The following ACAT2 variants were observed in gnomAD, a reference collection of about 807,000 sequenced individuals.
ACAT2 encodes the protein acetyl-CoA acetyltransferase, cytosolic.
In ACAT2, 26 loss-of-function variants were observed where a neutral mutation model predicts 37.1. The ratio of observed to expected loss-of-function variants is 0.70; its 90% CI spans 0.51 to 0.97. The LOEUF (loss-of-function observed/expected upper bound fraction) is 0.97. ACAT2 is among the 50% of genes least tolerant of loss of function. ACAT2 has a pLI of 0.00. For missense variants in ACAT2, 468 were observed against 489.0 expected, an observed-to-expected ratio of 0.96 and a Z score of 0.40; for synonymous variants, 156 against 163.6, an observed-to-expected ratio of 0.95 and a Z score of 0.35.
In ACAT2 at chr6:159,778,708, C is replaced by G; in HGVS notation, c.1073C>G (p.Ser358Cys). Residue 358 changes from serine (S) to cysteine (C), a missense_variant, in exon 9 of 9, where the codon TCT becomes TGT. Ser to Cys is a moderately radical substitution (Grantham distance 112, BLOSUM62 -1). Transcript: ENST00000367048. ...AIALGHPLGASGCRILVTLLH... is the reference protein window; with the variant it reads ...AIALGHPLGACGCRILVTLLH... The stretch of plus-strand genomic sequence containing the variant: ...GCCTTGGGCCACCCTCTTGGAGCAT[C>G]TGGCTGTCGAATTCTTGTGACCCTG... 6.2e-7 allele frequency: 1 copy of G among 1,614,226 alleles called. No homozygotes were observed. The highest frequency in any genetic ancestry group is 8.5e-7 in the Non-Finnish European group (1 of 1,180,032).
rs1335028065 is a variant in ACAT2 at position 159,775,182 on chromosome 6, C to A, written c.503C>A (p.Ala168Asp). Reference protein sequence around the residue: ...CHMGITAENVAKKWQVSREDQ... With the variant: ...CHMGITAENVDKKWQVSREDQ... ...TCTCCTTTCCCAGCTGAAAATGTAGCCAAAAAATGGCAAGTGAGTAGAGAA... is the reference window on the plus strand; with the variant it reads ...TCTCCTTTCCCAGCTGAAAATGTAGACAAAAAATGGCAAGTGAGTAGAGAA... The change falls in exon 5 of 9, where the codon GCC becomes GAC. Residue 168 changes from alanine to aspartate, a missense_variant. Transcript: ENST00000367048. 6.2e-7 allele frequency: 1 copy of A among 1,613,018 alleles called. No homozygotes were observed. Among genetic ancestry groups the A allele is most frequent in the Non-Finnish European group, 8.5e-7 (1 of 1,179,630 alleles).
At chr6:159,762,557 G>A (rs1780165918) in intron 1 of ACAT2, 2 of 1,334,558 alleles carry the variant, frequency 1.5e-6, no homozygotes, top group Non-Finnish European at 9.7e-7. Context: ...TCACACAATG[G>A]CTAGAAGTCG....
At chr6:159,762,408 C>T (rs1780160861) in intron 1 of ACAT2, 2 of 1,380,222 alleles carry the variant, frequency 1.4e-6, no homozygotes, top group African/African-American at 1.5e-5. Context: ...TGGCCTGCCT[C>T]TCCCATTGGT....
chr6:159,767,087 C>T lies in ACAT2; in HGVS notation c.273C>T (p.Ile91=), dbSNP rs770729530. 9.3e-6 allele frequency: 15 copies of T among 1,614,088 alleles called. No individual in the cohort carries two copies. In the African/African-American group the frequency reaches 1.9e-4, roughly 20 times the overall value. ...YSVPAWSCQM[I]CGSGLKAVCL... Reference sequence around the variant, plus strand: ...TTCCAGCATGGAGCTGCCAGATGATCTGTGGGTCAGGCCTAAAAGCTGTGT... The same window carrying T: ...TTCCAGCATGGAGCTGCCAGATGATTTGTGGGTCAGGCCTAAAAGCTGTGT... The change falls in exon 3 of 9, where the codon ATC becomes ATT. Residue 91 remains isoleucine (I), a synonymous_variant. Coordinates refer to ENST00000367048, the MANE Select transcript of ACAT2 (RefSeq NM_005891.3).
At chr6:159,764,418 C>A (rs962672430) in intron 2 of ACAT2, among the ~76,000 whole-genome samples, 1 of 151,820 alleles carries the variant, frequency 6.6e-6, no homozygotes, top group Non-Finnish European at 1.5e-5. Flanking sequence ...GGTTTGAACA[C>A]TCGTAATTAA....
chr6:159,778,212 G>C lies in ACAT2; in HGVS notation c.955G>C (p.Glu319Gln). The change falls in exon 8 of 9, where the codon GAA (glutamate) becomes CAA (glutamine). Residue 319 changes from glutamate to glutamine, a missense_variant. Transcript: ENST00000367048. ...GTCACTGGAAGATGTTGACATATTT[G>C]AAATCAATGAAGCCTTTGCAGCTGT... ...GWSLEDVDIF[E>Q]INEAFAAVSA... 6.2e-7 allele frequency: 1 copy of C among 1,612,780 alleles called. No homozygotes were observed. Among genetic ancestry groups the C allele is most frequent in the Non-Finnish European group, 8.5e-7 (1 of 1,179,738 alleles).
chr6:159,763,826 G>GC (rs1349569531), intron 2 of ACAT2, among the ~76,000 whole-genome samples: 4 of 151,124 alleles, frequency 2.6e-5, no homozygotes, highest in Non-Finnish European at 4.4e-5. Flanking sequence ...GGCCGGCCGG[G>GC]CCCGGTGGCT....
intron 2 of ACAT2, among the ~76,000 whole-genome samples, chr6:159,763,377 A>ACC (rs1780191201): frequency 6.6e-6 from 1 of 151,908 alleles, no homozygotes; most frequent in East Asian, 1.9e-4. Context: ...ACAAAGCAAG[A>ACC]CCCCGTCTCT....
intron 2 of ACAT2, 130 bp downstream of exon 2, chr6:159,763,183 C>T (rs1780185956): frequency 3.1e-6 from 4 of 1,277,736 alleles, no homozygotes; most frequent in African/African-American, 3.0e-5. Flanking sequence ...TGCTTTTGCT[C>T]AGAGTTCCCT....
chr6:159,765,139 G>C (rs1439577310), intron 2 of ACAT2, among the ~76,000 whole-genome samples: 2 of 151,922 alleles, frequency 1.3e-5, no homozygotes, highest in Non-Finnish European at 2.9e-5. Context: ...TTTTTGAGAT[G>C]GAGTCCCACT....
intron 8 of ACAT2, 188 bp from the exon 9 acceptor site, chr6:159,778,471 A>G: frequency 1.3e-6 from 1 of 761,024 alleles, no homozygotes; most frequent in Non-Finnish European, 2.0e-6. Flanking sequence ...ACTTGGCATA[A>G]AAGGAACGAG....
In ACAT2 at chr6:159,762,102, A is replaced by G. The variant is rs760112731; in HGVS notation, c.15A>G (p.Ser5=). The part of the protein sequence containing the change: MNAG[S]DPVVIVSAAR... Reference sequence around the variant, plus strand: ...GGAGAAGCAAGATGAATGCAGGCTCAGATCCTGTGGTCATCGTCTCGGCGG... The same window carrying G: ...GGAGAAGCAAGATGAATGCAGGCTCGGATCCTGTGGTCATCGTCTCGGCGG... Residue 5 remains serine (S), a synonymous_variant, in exon 1 of 9, where the codon TCA becomes TCG. Coordinates refer to ENST00000367048, the MANE Select transcript of ACAT2 (RefSeq NM_005891.3). The G allele has an allele frequency of 6.2e-7, 1 of 1,613,256 alleles. No homozygotes were observed. The highest frequency in any genetic ancestry group is 8.5e-7 in the Non-Finnish European group (1 of 1,179,612).
At chr6:159,762,622 C>T (rs1290888943) in intron 1 of ACAT2, 21 of 1,416,582 alleles carry the variant, frequency 1.5e-5, no homozygotes, top group African/African-American at 2.8e-5. Context: ...CCGCCGGTTC[C>T]TTTTGTTTGG....
At chr6:159,762,749 C>G in intron 1 of ACAT2, 170 bp from the exon 2 acceptor site, 1 of 1,571,254 alleles carries the variant, frequency 6.4e-7, no homozygotes, top group Non-Finnish European at 8.6e-7. Context: ...AGTTGTGGCA[C>G]CCACCTTGAC....
chr6:159,767,251 A>G (rs1343548449), intron 3 of ACAT2, 65 bp downstream of exon 3: 50 of 1,518,350 alleles, frequency 3.3e-5, no homozygotes, highest in Non-Finnish European at 4.5e-5. Context: ...TCTATGCCAG[A>G]ACAGAGTAAA....
Position 159,763,016 on chromosome 6 carries a change from T to A in ACAT2, c.153T>A (p.Asp51Glu). The A allele has an allele frequency of 6.2e-7, 1 of 1,614,144 alleles. No homozygotes were observed. Among genetic ancestry groups the A allele is most frequent in the African/African-American group, 1.3e-5 (1 of 75,036 alleles). Reference sequence around the variant, plus strand: ...AGAGGGCCACTGTGGCTCCGGAAGATGTGTCTGAGGTCATCTTTGGACATG... The same window carrying A: ...AGAGGGCCACTGTGGCTCCGGAAGAAGTGTCTGAGGTCATCTTTGGACATG... ...VLKRATVAPE[D>E]VSEVIFGHVL... is the part of the protein sequence containing the mutation. The change falls in exon 2 of 9, where the codon GAT (aspartate) becomes GAA (glutamate). Residue 51 changes from aspartate (D) to glutamate (E), a missense_variant. By Grantham distance (45) the Asp-to-Glu change is conservative (BLOSUM62 2). Coordinates refer to ENST00000367048, the MANE Select transcript of ACAT2 (RefSeq NM_005891.3).
chr6:159,775,434 T>A (rs1270868550), intron 5 of ACAT2, 121 bp downstream of exon 5: 1 of 1,199,554 alleles, frequency 8.3e-7, no homozygotes. Flanking sequence ...GTTGCAAATA[T>A]ATGTCCTGGA....
intron 3 of ACAT2, 36 bp from the exon 4 acceptor site, chr6:159,768,475 A>T: frequency 6.8e-7 from 1 of 1,463,076 alleles, no homozygotes. Context: ...ACTAATTGCA[A>T]CTAAGCCTAA....
At chr6:159,762,866 C>T (rs879143948) in intron 1 of ACAT2, 53 bp from the exon 2 acceptor site, 154 of 1,596,958 alleles carry the variant, frequency 9.6e-5, no homozygotes, top group East Asian at 3.8e-4. Context: ...GTAGGTGGTT[C>T]CCGTATTACC....
Sources: gnomAD v4.1 joint callset for allele counts (sites outside exome capture counted in the v4.1 genomes callset) on GRCh38, gnomAD v4.1.1 for gene constraint, MANE v1.5 for transcripts, NCBI Gene and HGNC (gene_info 2026-07-23, HGNC 2026-07-21) for gene names.